GALNT13: variants seen among roughly 807,000 people sequenced by gnomAD.
GALNT13 encodes the protein UDP-GalNAc:polypeptide N-acetylgalactosaminyltransferase 13.
Under a neutral mutation model 64.2 loss-of-function variants are expected in GALNT13, and 28 were observed. The ratio of observed to expected loss-of-function variants is 0.44; its 90% CI spans 0.32 to 0.60. The LOEUF (loss-of-function observed/expected upper bound fraction) is 0.60. GALNT13 is among the 20% of genes least tolerant of loss of function. The pLI, the probability that GALNT13 is intolerant of heterozygous loss-of-function variation, is 0.05. For synonymous variants in GALNT13, 214 were observed against 224.6 expected (o/e 0.95, Z 0.42); for missense variants, 577 against 669.8 (o/e 0.86, Z 1.53).
At chr2:153,845,835 C>A in the GALNT13 span, among the ~76,000 whole-genome samples, 2 of 151,532 alleles carry the variant, frequency 1.3e-5, no homozygotes, top group East Asian at 3.9e-4. Context: ...ATACCAAACA[C>A]AAGTTGTAGA....
At chr2:154,199,842 T>C (rs1687077612) in intron 4 of GALNT13, among the ~76,000 whole-genome samples, 1 of 152,066 alleles carries the variant, frequency 6.6e-6, no homozygotes, top group East Asian at 1.9e-4. Flanking sequence ...AAGTAATCTT[T>C]TATCTGAACT....
the GALNT13 span, among the ~76,000 whole-genome samples, chr2:153,586,192 C>T: frequency 6.6e-6 from 1 of 152,148 alleles, no homozygotes; most frequent in Non-Finnish European, 1.5e-5. Context: ...AACAAAATCT[C>T]ACACATCAAT....
chr2:153,630,700 ATTCAAG>A, the GALNT13 span, among the ~76,000 whole-genome samples: 3 of 141,538 alleles, frequency 2.1e-5, no homozygotes, highest in African/African-American at 7.7e-5. Context: ...AAAAAAATTA[ATTCAAG>A]ATGGATTAAA....
At chr2:153,508,808 G>T in the GALNT13 span, among the ~76,000 whole-genome samples, 1 of 152,194 alleles carries the variant, frequency 6.6e-6, no homozygotes, top group South Asian at 2.1e-4. Flanking sequence ...TCCGCAGGCT[G>T]CTCTGTCTCC....
At chr2:154,254,924 T>TG (rs1232448379) in intron 7 of GALNT13, among the ~76,000 whole-genome samples, 1 of 152,166 alleles carries the variant, frequency 6.6e-6, no homozygotes, top group Non-Finnish European at 1.5e-5. Context: ...GAGAGACCCT[T>TG]GGGAGGACTA....
At chr2:154,078,970 A>G (rs554054843) in intron 3 of GALNT13, among the ~76,000 whole-genome samples, 4 of 151,774 alleles carry the variant, frequency 2.6e-5, no homozygotes, top group South Asian at 4.1e-4. Context: ...CTTACCAAAC[A>G]CTTAGAATAT....
the GALNT13 span, among the ~76,000 whole-genome samples, chr2:153,147,539 G>A: frequency 7.4e-6 from 1 of 135,076 alleles, no homozygotes; most frequent in East Asian, 2.0e-4. Context: ...GGAAGCATTA[G>A]ACTTTTTTTT....
rs147497318 is a variant in GALNT13, at chr2:154,411,973, A to G, written c.1395+2891A>G. On this transcript the variant is annotated intron_variant, in intron 11 of 12. Coordinates refer to ENST00000392825, the MANE Select transcript of GALNT13 (RefSeq NM_052917.4). ...AATTCATTAAAAAAATTAACACTAA[A>G]CATGGCACATACTAAACATGCAATG... Among the ~76,000 whole-genome samples the G allele has an allele frequency of 5.0e-3, 761 of 151,882 alleles. 8 individuals carry two copies. The highest frequency in any genetic ancestry group is 0.017 in the African/African-American group (708 of 41,532).
chr2:153,499,593 C>T, the GALNT13 span, among the ~76,000 whole-genome samples: 1 of 152,184 alleles, frequency 6.6e-6, no homozygotes, highest in Non-Finnish European at 1.5e-5. Flanking sequence ...GAGGAATGCC[C>T]GCAGACCTGT....
At chr2:154,289,285 T>A (rs1036883465) in intron 8 of GALNT13, among the ~76,000 whole-genome samples, 20 of 152,134 alleles carry the variant, frequency 1.3e-4, no homozygotes, top group Admixed American at 3.3e-4. Context: ...CTATGAAAAA[T>A]TTTTTTGTCC....
chr2:153,410,411 C>A, the GALNT13 span, among the ~76,000 whole-genome samples: 3 of 152,134 alleles, frequency 2.0e-5, no homozygotes, highest in Admixed American at 6.5e-5. Context: ...TGCTTTTGAA[C>A]CTAGAATTCT....
At chr2:154,131,284 T>A (rs546359673) in intron 3 of GALNT13, among the ~76,000 whole-genome samples, 26 of 152,306 alleles carry the variant, frequency 1.7e-4, no homozygotes, top group South Asian at 8.3e-4. Flanking sequence ...ATTAGTAGAA[T>A]ATATTATAAG....
the GALNT13 span, among the ~76,000 whole-genome samples, chr2:153,814,727 C>T: frequency 6.6e-6 from 1 of 152,180 alleles, no homozygotes; most frequent in South Asian, 2.1e-4. Flanking sequence ...TGATTGTTTT[C>T]ATTATGATGC....
chr2:153,457,480 T>C, the GALNT13 span, among the ~76,000 whole-genome samples: 2 of 152,220 alleles, frequency 1.3e-5, no homozygotes, highest in African/African-American at 4.8e-5. Context: ...AATGGGACTT[T>C]GCTTCCATCT....
intron 3 of GALNT13, among the ~76,000 whole-genome samples, chr2:154,047,641 G>A (rs543774510): frequency 5.1e-4 from 78 of 152,252 alleles, no homozygotes; most frequent in African/African-American, 1.8e-3. Flanking sequence ...CATCGTAAAT[G>A]CTCCCTACAT....
the GALNT13 span, among the ~76,000 whole-genome samples, chr2:153,560,444 T>C: frequency 6.6e-6 from 1 of 152,088 alleles, no homozygotes; most frequent in Admixed American, 6.6e-5. Context: ...ATCCATGTTT[T>C]CTACTTCTTT....
At chr2:154,444,185 A>T (rs1372041599) in intron 12 of GALNT13, among the ~76,000 whole-genome samples, 1 of 152,104 alleles carries the variant, frequency 6.6e-6, no homozygotes, top group African/African-American at 2.4e-5. Context: ...AAAACAAAAC[A>T]AAAGTAGACT....
intron 3 of GALNT13, among the ~76,000 whole-genome samples, chr2:153,959,642 G>A (rs1326545461): frequency 6.6e-6 from 1 of 152,128 alleles, no homozygotes; most frequent in African/African-American, 2.4e-5. Flanking sequence ...AAGGGCAGAG[G>A]GGATACCACC....
chr2:153,417,545 T>G, the GALNT13 span, among the ~76,000 whole-genome samples: 1 of 152,200 alleles, frequency 6.6e-6, no homozygotes, highest in African/African-American at 2.4e-5. Context: ...TATAATTTGT[T>G]TTTGAATATG....
Sources: gnomAD v4.1 joint callset for allele counts (sites outside exome capture counted in the v4.1 genomes callset) on GRCh38, gnomAD v4.1.1 for gene constraint, MANE v1.5 for transcripts, NCBI Gene and HGNC (gene_info 2026-07-23, HGNC 2026-07-21) for gene names.